The following USP32 variants were observed in gnomAD, a reference collection of about 807,000 sequenced individuals.
USP32 encodes the protein ubiquitin specific peptidase 32, also known as ubiquitin carboxyl-terminal hydrolase 32.
A neutral mutation model predicts 204.8 loss-of-function variants in USP32; 59 were observed. The ratio of observed to expected loss-of-function variants is 0.29; its 90% CI spans 0.23 to 0.36. The LOEUF is 0.36. USP32 is among the 10% of genes least tolerant of loss of function. USP32 has a pLI of 1.00. For synonymous variants in USP32, 517 were observed against 678.4 expected (o/e 0.76, Z 3.70); for missense variants, 1,160 against 1,946.4 (o/e 0.60, Z 7.60).
At chr17:60,232,185 T>C (rs1164171181) in intron 12 of USP32, among the ~76,000 whole-genome samples, 1 of 145,240 alleles carries the variant, frequency 6.9e-6, no homozygotes, top group Non-Finnish European at 1.5e-5. Flanking sequence ...TTTTTTTTTT[T>C]TTTTTGAGAT....
chr17:60,292,533 T>G (rs2087308903), intron 4 of USP32, among the ~76,000 whole-genome samples: 1 of 151,920 alleles, frequency 6.6e-6, no homozygotes, highest in Non-Finnish European at 1.5e-5. Context: ...CTAATCATCT[T>G]CCCCCTACTC....
At chr17:60,255,353 AATG>A (rs2086273602) in intron 9 of USP32, 95 bp from the exon 10 acceptor site, 1 of 927,998 alleles carries the variant, frequency 1.1e-6, no homozygotes, top group African/African-American at 1.8e-5. Flanking sequence ...GCTGGAGTGC[AATG>A]GCACGATCTT....
At chr17:60,407,263 GT>G (rs1026438967) in intron 1 of USP32, among the ~76,000 whole-genome samples, 1 of 152,158 alleles carries the variant, frequency 6.6e-6, no homozygotes, top group Admixed American at 6.6e-5. Flanking sequence ...AGGATCTTGA[GT>G]TTTTTCTGAA....
At chr17:60,299,967 C>A (rs1425325438) in intron 3 of USP32, among the ~76,000 whole-genome samples, 2 of 152,110 alleles carry the variant, frequency 1.3e-5, no homozygotes, top group Non-Finnish European at 2.9e-5. Context: ...TCATAAGATA[C>A]TTATGATTAA....
At chr17:60,301,010 C>T (rs2145888975) in intron 3 of USP32, among the ~76,000 whole-genome samples, 1 of 152,340 alleles carries the variant, frequency 6.6e-6, no homozygotes, top group South Asian at 2.1e-4. Context: ...CATACTGTAG[C>T]ATGAATCAGT....
chr17:60,407,169 C>T lies in USP32; in HGVS notation c.106+15077G>A, dbSNP rs139233301. ...CACTGAGGACGCACAGATTGGAGTT[C>T]ATGGAACCTGAGGCAGCTGTGGAAG... On this transcript the variant is annotated intron_variant, in intron 1 of 3. Transcript: ENST00000588898. Among the ~76,000 whole-genome samples the T allele has an allele frequency of 2.4e-4, 36 of 152,256 alleles. 1 individual carries two copies. In the East Asian group the frequency reaches 6.9e-3, roughly 29 times the overall value.
At chr17:60,318,697 T>G (rs1305889864) in intron 2 of USP32, among the ~76,000 whole-genome samples, 1 of 152,178 alleles carries the variant, frequency 6.6e-6, no homozygotes. Flanking sequence ...CCCCCAAACT[T>G]AAATGGAGTA....
At chr17:60,269,619 G>A (rs2086679903) in intron 6 of USP32, 62 bp from the exon 7 acceptor site, 1 of 1,354,198 alleles carries the variant, frequency 7.4e-7, no homozygotes, top group Admixed American at 2.4e-5. Flanking sequence ...ATAATGACAT[G>A]TTTACAAAAG....
chr17:60,334,182 TAATATATATTAC>T (rs2088458263), intron 2 of USP32, among the ~76,000 whole-genome samples: 1 of 152,230 alleles, frequency 6.6e-6, no homozygotes, highest in Admixed American at 6.5e-5. Flanking sequence ...TATAGTATTA[TAATATATATTAC>T]AGTTAATTTT....
At chr17:60,414,090 T>C (rs1212643974) in intron 1 of USP32, among the ~76,000 whole-genome samples, 1 of 151,266 alleles carries the variant, frequency 6.6e-6, no homozygotes, top group East Asian at 2.0e-4. Context: ...CGGCTGGGCG[T>C]GGTGGCTCAC....
chr17:60,311,320 CCAGT>C (rs746121246), intron 2 of USP32, among the ~76,000 whole-genome samples: 29 of 152,136 alleles, frequency 1.9e-4, no homozygotes, highest in Non-Finnish European at 3.1e-4. Context: ...CCATGACTAT[CCAGT>C]CAAAGACTTA....
intron 1 of USP32, among the ~76,000 whole-genome samples, chr17:60,414,010 T>A (rs779202183): frequency 6.6e-6 from 1 of 151,846 alleles, no homozygotes. Context: ...CTGAGGTCCA[T>A]GTGCTAGCAG....
chr17:60,416,063 C>T (rs1437682138), intron 1 of USP32, among the ~76,000 whole-genome samples: 6 of 152,162 alleles, frequency 3.9e-5, no homozygotes, highest in Non-Finnish European at 8.8e-5. Context: ...TGGTCTCGAT[C>T]TCTTGACCTC....
intron 9 of USP32, chr17:60,256,615 C>T (rs1265213362): frequency 4.3e-6 from 4 of 929,864 alleles, no homozygotes; most frequent in Non-Finnish European, 5.1e-6. Context: ...TTTCCTCCCA[C>T]ATCCCAAAGA....
chr17:60,345,942 G>A (rs548238834), intron 1 of USP32, among the ~76,000 whole-genome samples: 4 of 151,722 alleles, frequency 2.6e-5, no homozygotes, highest in African/African-American at 7.3e-5. Flanking sequence ...AGACCATGCC[G>A]CCGCACTCCA....
chr17:60,372,877 G>A (rs1451539060), intron 1 of USP32, among the ~76,000 whole-genome samples: 1 of 149,648 alleles, frequency 6.7e-6, no homozygotes, highest in Non-Finnish European at 1.5e-5. Context: ...ACAAAAAAAT[G>A]GTTCACCTAG....
intron 1 of USP32, among the ~76,000 whole-genome samples, chr17:60,401,569 A>G (rs2033690427): frequency 6.6e-6 from 1 of 151,688 alleles, no homozygotes; most frequent in Non-Finnish European, 1.5e-5. Flanking sequence ...AAGTATGATA[A>G]TCAAGGGTTA....
At chr17:60,408,619 C>G (rs890115508) in intron 1 of USP32, among the ~76,000 whole-genome samples, 1 of 152,088 alleles carries the variant, frequency 6.6e-6, no homozygotes, top group Non-Finnish European at 1.5e-5. Context: ...CTCAAATGAT[C>G]TGCCCACCTC....
chr17:60,384,265 C>T (rs966392870), intron 1 of USP32, among the ~76,000 whole-genome samples: 1 of 152,230 alleles, frequency 6.6e-6, no homozygotes, highest in Non-Finnish European at 1.5e-5. Flanking sequence ...CACGAGTCAT[C>T]ACCAAAAGGC....
Sources: gnomAD v4.1 joint callset for allele counts (sites outside exome capture counted in the v4.1 genomes callset) on GRCh38, gnomAD v4.1.1 for gene constraint, MANE v1.5 for transcripts, NCBI Gene and HGNC (gene_info 2026-07-23, HGNC 2026-07-21) for gene names.